Variants in CTNNA3 observed in about 807,000 individuals in gnomAD.
The protein encoded by CTNNA3 is catenin alpha-3.
In CTNNA3, 76 loss-of-function variants were observed where a neutral mutation model predicts 95.7. The ratio of observed to expected loss-of-function variants is 0.79; its 90% CI spans 0.66 to 0.96. The LOEUF is 0.96. CTNNA3 is among the 40% of genes least tolerant of loss of function. The pLI, the probability that CTNNA3 is intolerant of heterozygous loss-of-function variation, is 0.00. For synonymous variants in CTNNA3, 431 were observed against 374.4 expected (o/e 1.15, Z -1.74); for missense variants, 1,191 against 1,089.8 (o/e 1.09, Z -1.31).
intron 7 of CTNNA3, among the ~76,000 whole-genome samples, chr10:66,785,039 A>G (rs1840687844): frequency 2.6e-5 from 4 of 152,208 alleles, no homozygotes. Flanking sequence ...TGGTCCAGAT[A>G]TGGGCCTTAT....
At chr10:66,241,156 T>TA (rs66754859) in intron 13 of CTNNA3, among the ~76,000 whole-genome samples, 40 of 151,438 alleles carry the variant, frequency 2.6e-4, no homozygotes, top group African/African-American at 5.8e-4. Flanking sequence ...TTAAAAGGGT[T>TA]AAAAAAAAAC....
intron 12 of CTNNA3, among the ~76,000 whole-genome samples, chr10:66,302,201 G>A (rs907627205): frequency 6.6e-6 from 1 of 151,970 alleles, no homozygotes; most frequent in African/African-American, 2.4e-5. Context: ...GAGTTCCGGT[G>A]CCTAGATAGG....
intron 9 of CTNNA3, among the ~76,000 whole-genome samples, chr10:66,638,497 T>C (rs914183926): frequency 6.6e-6 from 1 of 151,908 alleles, no homozygotes; most frequent in Non-Finnish European, 1.5e-5. Context: ...TTATATTCAA[T>C]TGATATTAAT....
At chr10:67,595,956 CT>C (rs1221653053) in intron 3 of CTNNA3, among the ~76,000 whole-genome samples, 1 of 152,006 alleles carries the variant, frequency 6.6e-6, no homozygotes, top group Admixed American at 6.6e-5. Flanking sequence ...AACCTCAGCT[CT>C]TTTTTGTTTT....
chr10:66,790,118 C>CT (rs1390106905), intron 7 of CTNNA3, among the ~76,000 whole-genome samples: 1 of 152,084 alleles, frequency 6.6e-6, no homozygotes, highest in African/African-American at 2.4e-5. Flanking sequence ...ACTCTATAGA[C>CT]TAAAAATACT....
chr10:66,783,654 C>T (rs1840629676), intron 7 of CTNNA3, among the ~76,000 whole-genome samples: 1 of 152,064 alleles, frequency 6.6e-6, no homozygotes. Context: ...ATGGCAACGA[C>T]TTTGTCTACA....
intron 13 of CTNNA3, among the ~76,000 whole-genome samples, chr10:66,144,004 C>T (rs989124116): frequency 3.3e-5 from 5 of 152,224 alleles, no homozygotes; most frequent in African/African-American, 1.2e-4. Flanking sequence ...TGTTTTCCCC[C>T]ATGGGACCTT....
chr10:67,293,894 AT>A (rs1453413602), intron 5 of CTNNA3, among the ~76,000 whole-genome samples: 1 of 151,870 alleles, frequency 6.6e-6, no homozygotes, highest in Non-Finnish European at 1.5e-5. Flanking sequence ...TATTTGCTAC[AT>A]TTTCTTAATC....
intron 7 of CTNNA3, among the ~76,000 whole-genome samples, chr10:67,109,002 A>G (rs1238484657): frequency 6.6e-6 from 1 of 152,148 alleles, no homozygotes; most frequent in Non-Finnish European, 1.5e-5. Flanking sequence ...ATGTACTGTC[A>G]GAAGTTTTCT....
intron 12 of CTNNA3, among the ~76,000 whole-genome samples, chr10:66,321,456 T>C (rs927683235): frequency 2.0e-5 from 3 of 152,088 alleles, no homozygotes; most frequent in African/African-American, 4.8e-5. Flanking sequence ...AAGTGAACTA[T>C]AGATAAAATT....
chr10:67,592,657 C>G (rs1343682684), intron 3 of CTNNA3, among the ~76,000 whole-genome samples: 1 of 152,080 alleles, frequency 6.6e-6, no homozygotes, highest in Non-Finnish European at 1.5e-5. Flanking sequence ...AAAAAAAGAA[C>G]TGATTTCCAA....
At chr10:66,600,276 C>A (rs1313349303) in intron 10 of CTNNA3, among the ~76,000 whole-genome samples, 2 of 151,628 alleles carry the variant, frequency 1.3e-5, no homozygotes, top group Non-Finnish European at 3.0e-5. Context: ...AGTTTTAATA[C>A]AAAATATTAT....
At chr10:66,426,272 T>C (rs1213479723) in intron 11 of CTNNA3, among the ~76,000 whole-genome samples, 1 of 152,080 alleles carries the variant, frequency 6.6e-6, no homozygotes, top group Non-Finnish European at 1.5e-5. Flanking sequence ...CATAGGGTAC[T>C]CAGTTATTGT....
intron 12 of CTNNA3, among the ~76,000 whole-genome samples, chr10:66,328,776 C>G (rs1027334165): frequency 6.6e-6 from 1 of 150,864 alleles, no homozygotes; most frequent in African/African-American, 2.4e-5. Context: ...CATCTGAAGG[C>G]CTGAGAACCC....
chr10:67,403,930 A>G (rs1007785433), intron 5 of CTNNA3, among the ~76,000 whole-genome samples: 4 of 152,196 alleles, frequency 2.6e-5, no homozygotes, highest in Admixed American at 1.3e-4. Context: ...AACTGAGGTG[A>G]CTAGGGTCTG....
intron 15 of CTNNA3, among the ~76,000 whole-genome samples, chr10:66,059,725 G>C (rs968973393): frequency 3.9e-5 from 6 of 152,014 alleles, no homozygotes; most frequent in Admixed American, 6.6e-5. Context: ...CTCAGTGAAT[G>C]AGCCAATGGA....
intron 9 of CTNNA3, among the ~76,000 whole-genome samples, chr10:66,688,578 A>G (rs1443713602): frequency 6.6e-6 from 1 of 152,106 alleles, no homozygotes; most frequent in Non-Finnish European, 1.5e-5. Context: ...GTTACTTTCT[A>G]TCAGCTAGAC....
intron 7 of CTNNA3, among the ~76,000 whole-genome samples, chr10:66,829,136 T>C (rs1487891592): frequency 6.6e-6 from 1 of 152,190 alleles, no homozygotes; most frequent in African/African-American, 2.4e-5. Context: ...AGAAAAAATG[T>C]CTCTGGTACA....
chr10:67,684,931 C>T (rs560740486), intron 1 of CTNNA3, among the ~76,000 whole-genome samples: 51 of 152,232 alleles, frequency 3.4e-4, no homozygotes, highest in Admixed American at 1.8e-3. Context: ...TTCCTGTAAA[C>T]GCTGGGCGGC....
Sources: gnomAD v4.1 joint callset for allele counts (sites outside exome capture counted in the v4.1 genomes callset) on GRCh38, gnomAD v4.1.1 for gene constraint, MANE v1.5 for transcripts, NCBI Gene and HGNC (gene_info 2026-07-23, HGNC 2026-07-21) for gene names.